The following NBPF15 variants were observed in gnomAD, a reference collection of about 807,000 sequenced individuals.
NBPF15 encodes NBPF family member NBPF15.
NBPF15 carries 74 observed loss-of-function variants against 62.2 expected under a neutral mutation model. The observed-to-expected ratio is 1.19, with a 90% CI of 0.99 to 1.44. The LOEUF (loss-of-function observed/expected upper bound fraction) is 1.44, where lower values mean the gene tolerates loss of function less well. NBPF15 is among the 40% of genes most tolerant of loss of function. NBPF15 has a pLI of 0.00. For synonymous variants in NBPF15, 244 were observed against 209.7 expected (o/e 1.16, Z -1.41); for missense variants, 790 against 550.0 (o/e 1.44, Z -4.36).
intron 6 of NBPF15, chr1:144,442,928 G>A (rs1346204906): frequency 2.9e-5 from 6 of 205,436 alleles, no homozygotes; most frequent in Admixed American, 5.2e-5. Flanking sequence ...CTGCTGATGG[G>A]CAAAGAAGGT....
intron 15 of NBPF15, 57 bp from the exon 16 acceptor site, chr1:144,428,047 C>T (rs1671115141): frequency 6.4e-6 from 5 of 785,982 alleles, no homozygotes; most frequent in Non-Finnish European, 1.2e-5. Context: ...ACCACACAGT[C>T]CCAGCTAGAT....
At chr1:144,428,368 C>A (rs1671535028) in intron 15 of NBPF15, among the ~76,000 whole-genome samples, 1 of 151,880 alleles carries the variant, frequency 6.6e-6, no homozygotes, top group Non-Finnish European at 1.5e-5. Flanking sequence ...CTGCAGTTAC[C>A]ATGAGAATAC....
chr1:144,429,714 G>C lies in NBPF15; in HGVS notation c.974C>G (p.Ala325Gly). The C allele has an allele frequency of 1.6e-6, 1 of 607,776 alleles. No individual in the cohort carries two copies. Among genetic ancestry groups the C allele is most frequent in the Non-Finnish European group, 2.9e-6 (1 of 348,280 alleles). The allele number at this position is 607,776 out of a possible 1,614,324, so 37.6% of individuals were successfully genotyped here. Residue 325 changes from alanine (A) to glycine (G), a missense_variant, in exon 14 of 22, where the codon GCT becomes GGT. Ala to Gly is a moderately conservative substitution (Grantham distance 60). Coordinates refer to ENST00000581897, the MANE Select transcript of NBPF15 (RefSeq NM_001385408.1). ...GGAGTACTCACTGCCTATGTCAACA[G>C]CCATGCAGACTTGCTGTTCCTCTAA... ...HSLEEQQVCM[A>G]VDIGRHRWDQ...
chr1:144,436,736 C>A (rs1358729306), intron 10 of NBPF15, among the ~76,000 whole-genome samples, 159 bp downstream of exon 10: 1 of 152,006 alleles, frequency 6.6e-6, no homozygotes, highest in Non-Finnish European at 1.5e-5. Context: ...CATGGGTTTC[C>A]CATCTCCGTT....
chr1:144,423,509 G>A (rs1353790131), intron 21 of NBPF15, among the ~76,000 whole-genome samples: 8 of 152,008 alleles, frequency 5.3e-5, no homozygotes, highest in African/African-American at 9.7e-5. Context: ...GAATTGCCCA[G>A]GTGACATACT....
chr1:144,426,578 T>C (rs1669822190), intron 17 of NBPF15, 128 bp from the exon 18 acceptor site: 10 of 713,338 alleles, frequency 1.4e-5, no homozygotes, highest in East Asian at 2.7e-5. Flanking sequence ...AATGAGGTAA[T>C]GAATTATTGC....
At chr1:144,456,081 A>G (rs1647427671) in intron 4 of NBPF15, among the ~76,000 whole-genome samples, 1 of 151,634 alleles carries the variant, frequency 6.6e-6, no homozygotes, top group African/African-American at 2.4e-5. Flanking sequence ...GCCTAAAACC[A>G]CACACATCTC....
At chr1:144,456,080 C>T (rs587712203) in intron 4 of NBPF15, among the ~76,000 whole-genome samples, 1,707 of 151,894 alleles carry the variant, frequency 0.011, 36 homozygotes, top group African/African-American at 0.039. Context: ...TGCCTAAAAC[C>T]ACACACATCT....
At chr1:144,459,998 T>C (rs1651387896) in intron 2 of NBPF15, among the ~76,000 whole-genome samples, 1 of 149,724 alleles carries the variant, frequency 6.7e-6, no homozygotes, top group Non-Finnish European at 1.5e-5. Flanking sequence ...TCTGTGGTGG[T>C]TCACTTGGTA....
chr1:144,446,366 T>C (rs1553544050), intron 6 of NBPF15, among the ~76,000 whole-genome samples: 10 of 152,158 alleles, frequency 6.6e-5, no homozygotes, highest in African/African-American at 2.4e-4. Flanking sequence ...ACAGTCATTA[T>C]CTGTGAATAA....
intron 6 of NBPF15, among the ~76,000 whole-genome samples, chr1:144,443,241 C>A (rs1479040788): frequency 6.6e-6 from 1 of 151,634 alleles, no homozygotes; most frequent in Non-Finnish European, 1.5e-5. Flanking sequence ...AAAAAAGATT[C>A]TACTAAAAAA....
chr1:144,428,912 A>C (rs1327119787), intron 14 of NBPF15, among the ~76,000 whole-genome samples: 1 of 152,046 alleles, frequency 6.6e-6, no homozygotes, highest in Non-Finnish European at 1.5e-5. Flanking sequence ...GTTTATGTAC[A>C]CAAATGAGCA....
chr1:144,425,058 A>G (rs1424203353), intron 19 of NBPF15, among the ~76,000 whole-genome samples, 196 bp from the exon 20 acceptor site: 7 of 110,648 alleles, frequency 6.3e-5, no homozygotes, highest in South Asian at 6.3e-4. Flanking sequence ...AAAGACAGAT[A>G]GACACACACA....
chr1:144,431,353 C>T (rs1217140684), intron 13 of NBPF15, among the ~76,000 whole-genome samples: 1 of 149,182 alleles, frequency 6.7e-6, no homozygotes, highest in East Asian at 1.9e-4. Flanking sequence ...AAAGGGAAGC[C>T]CATCAGACTA....
intron 20 of NBPF15, among the ~76,000 whole-genome samples, 161 bp downstream of exon 20, chr1:144,424,529 C>G (rs1231419104): frequency 6.6e-6 from 1 of 151,910 alleles, no homozygotes; most frequent in Non-Finnish European, 1.5e-5. Context: ...CTTGTCTGGG[C>G]TTCCAGGTAG....
At chr1:144,449,747 A>C (rs1553545043) in intron 5 of NBPF15, among the ~76,000 whole-genome samples, 2 of 150,858 alleles carry the variant, frequency 1.3e-5, no homozygotes, top group African/African-American at 4.9e-5. Context: ...TGGGTTAGTG[A>C]CTTCTTTATC....
chr1:144,439,111 G>T (rs1304498366), intron 8 of NBPF15, among the ~76,000 whole-genome samples: 1 of 151,658 alleles, frequency 6.6e-6, no homozygotes, highest in South Asian at 2.1e-4. Context: ...AGCCTCCTAG[G>T]CAGGGGTGAT....
intron 6 of NBPF15, among the ~76,000 whole-genome samples, chr1:144,447,962 G>T (rs1380672971): frequency 6.6e-6 from 1 of 152,018 alleles, no homozygotes; most frequent in Non-Finnish European, 1.5e-5. Context: ...CCAGAGTCAG[G>T]GGCAGCATCA....
intron 15 of NBPF15, 34 bp from the exon 16 acceptor site, chr1:144,428,024 G>A (rs782329939): frequency 4.2e-5 from 32 of 766,664 alleles, no homozygotes; most frequent in Non-Finnish European, 6.1e-5. Flanking sequence ...GAATAAGCCA[G>A]GGGGAATCAG....
Sources: gnomAD v4.1 joint callset for allele counts (sites outside exome capture counted in the v4.1 genomes callset) on GRCh38, gnomAD v4.1.1 for gene constraint, MANE v1.5 for transcripts, NCBI Gene and HGNC (gene_info 2026-07-23, HGNC 2026-07-21) for gene names.